The following HUWE1 variants were observed in gnomAD, a reference collection of about 807,000 sequenced individuals.
HUWE1 encodes the protein HECT, UBA and WWE domain containing E3 ubiquitin protein ligase 1, also known as E3 ubiquitin-protein ligase HUWE1.
HUWE1 carries 18 observed loss-of-function variants against 299.4 expected under a neutral mutation model. That is an observed-to-expected ratio of 0.06 (90% CI 0.04 to 0.09). The LOEUF is 0.09. HUWE1 is among the 10% of genes least tolerant of loss of function. The pLI is 1.00. For missense variants in HUWE1, 1,832 were observed against 3,462.3 expected (o/e 0.53, Z 11.82); for synonymous variants, 1,317 against 1,286.1 (o/e 1.02, Z -0.51).
chrX:53,604,410 A>C (rs185942317), intron 26 of HUWE1, among the ~76,000 whole-genome samples, 179 bp downstream of exon 26: 10 of 111,778 alleles, frequency 8.9e-5, no homozygotes, highest in Non-Finnish European at 1.7e-4. Flanking sequence ...TCATCACATA[A>C]TAAGTTATAT....
At chrX:53,682,621 CTTCT>C (rs2070226563) in intron 2 of HUWE1, among the ~76,000 whole-genome samples, 1 of 110,863 alleles carries the variant, frequency 9.0e-6, no homozygotes. Flanking sequence ...GGTTATCTTC[CTTCT>C]AAGGGATTCA....
chrX:53,562,231 G>C lies in HUWE1; in HGVS notation c.7218C>G (p.Ile2406Met). 8.3e-7 allele frequency: 1 copy of C among 1,208,736 alleles called. No homozygotes were observed. The highest frequency in any genetic ancestry group is 1.1e-6 in the Non-Finnish European group (1 of 893,336). Residue 2406 changes from isoleucine (I) to methionine (M), a missense_variant, in exon 54 of 84, where the codon ATC becomes ATG. This residue lies in a region of HUWE1 where 170 missense variants were observed against 335.8 expected (regional missense o/e 0.51). Transcript: ENST00000262854. Reference protein sequence around the residue: ...LQANREDSMNILDPEDEEEHT... With the variant: ...LQANREDSMNMLDPEDEEEHT... ...GCTCCTCCTCATCCTCAGGGTCCAG[G>C]ATATTCATGGAATCTAAAACAAAGG...
intron 43 of HUWE1, among the ~76,000 whole-genome samples, chrX:53,578,059 T>C (rs1174111161): frequency 1.0e-5 from 1 of 97,630 alleles, no homozygotes; most frequent in African/African-American, 4.0e-5. Flanking sequence ...CCGGCCGCCA[T>C]CCCATCTAGG....
intron 19 of HUWE1, among the ~76,000 whole-genome samples, chrX:53,617,681 C>T (rs113779396): frequency 3.6e-5 from 4 of 111,484 alleles, no homozygotes; most frequent in African/African-American, 1.3e-4. Flanking sequence ...TGAGGTTACA[C>T]TGTTTTATAT....
chrX:53,573,801 G>C lies in HUWE1; in HGVS notation c.6261C>G (p.Thr2087=). 8.3e-7 allele frequency: 1 copy of C among 1,210,986 alleles called. No homozygotes were observed. Among genetic ancestry groups the C allele is most frequent in the Non-Finnish European group, 1.1e-6 (1 of 894,664 alleles). ...ELVRSYVGIA[T]LIANYSYTVG... is the part of the protein sequence containing the mutation. ...CAGTGTAGCTGTAGTTGGCAATCAG[G>C]GTAGCAATACCAACATAGGACCTCA... Residue 2087 remains threonine (T), a synonymous_variant, in exon 47 of 84, where the codon ACC becomes ACG. Coordinates refer to ENST00000262854, the MANE Select transcript of HUWE1 (RefSeq NM_031407.7).
Position 53,592,598 on chromosome X carries a change from T to C in HUWE1, c.3772A>G (p.Asn1258Asp), listed in dbSNP as rs782197367. ...CCATATACCTTCAGGGGTTTCCGGT[T>C]CCATAAGTTTTTGATGCAAGTAAAG... ...AAFTCIKNLWNRKPLKVYGGR... is the reference protein window; with the variant it reads ...AAFTCIKNLWDRKPLKVYGGR... The change falls in exon 33 of 84, where the codon AAC becomes GAC. Residue 1258 changes from asparagine (N) to aspartate (D), a missense_variant. By Grantham distance (23) the Asn-to-Asp change is conservative (BLOSUM62 1). Around this residue, in one of 15 missense-constraint regions of HUWE1, gnomAD observed 658 missense variants for 1,282.6 expected, o/e 0.51. Transcript: ENST00000262854. The C allele has an allele frequency of 8.3e-7, 1 of 1,208,812 alleles. No homozygotes were observed. The highest frequency in any genetic ancestry group is 2.2e-5 in the Admixed American group (1 of 45,979).
At position 53,680,202 on chromosome X, in the gene HUWE1, T is replaced by TG. The variant is rs2070056304; in HGVS notation, c.-162-17dup. The stretch of plus-strand genomic sequence containing the variant: ...GCTGGAGGACCTACAAAAAAAAAGT[T>TG]GGGGGAGAGGAGTGAGATACACAAC... On this transcript the variant is annotated splice_polypyrimidine_tract_variant and intron_variant, in intron 2 of 83. Transcript: ENST00000262854. 1.0e-5 allele frequency: 3 copies of TG among 295,683 alleles called. No individual in the cohort carries two copies. The East Asian group carries it at 1.4e-4, about 14-fold the overall frequency. The allele number at this position is 295,683 out of a possible 1,213,427, so 24.4% of individuals were successfully genotyped here.
At chrX:53,602,312 G>C (rs782102369) in intron 28 of HUWE1, among the ~76,000 whole-genome samples, 1 of 95,748 alleles carries the variant, frequency 1.0e-5, no homozygotes, top group Non-Finnish European at 2.1e-5. Flanking sequence ...AGAGAAAAAA[G>C]ACGGGCAGAC....
chrX:53,537,802 C>T, intron 77 of HUWE1, 106 bp from the exon 78 acceptor site: 3 of 822,170 alleles, frequency 3.6e-6, no homozygotes, highest in Non-Finnish European at 5.2e-6. Flanking sequence ...ATCCTCCAAA[C>T]ACTTTGATCT....
At chrX:53,577,691 G>GT (rs782154597) in intron 43 of HUWE1, among the ~76,000 whole-genome samples, 19,117 of 85,969 alleles carry the variant, frequency 0.22, 197 homozygotes, top group Non-Finnish European at 0.28. Flanking sequence ...ACTGGTTTTC[G>GT]TTTTTTTTTT....
Position 53,593,656 on chromosome X carries a change from G to A in HUWE1, c.3504-55C>T, listed in dbSNP as rs2064281578. ...ATATTAGTATTTTACCCTGGCAAGG[G>A]GGGTTTACATCTAAAAGGTCCCCAA... On this transcript the variant is annotated intron_variant, in intron 31 of 83. Transcript: ENST00000262854. The A allele has an allele frequency of 9.4e-6, 9 of 954,604 alleles. No individual in the cohort carries two copies. The South Asian group carries it at 1.6e-4, about 17-fold the overall frequency. 78.7% of individuals were successfully genotyped at this position (954,604 alleles called of 1,213,427 possible).
Position 53,538,919 on chromosome X carries a change from C to A in HUWE1, c.11794G>T (p.Asp3932Tyr). The A allele has an allele frequency of 8.3e-7, 1 of 1,207,745 alleles. No homozygotes were observed. The highest frequency in any genetic ancestry group is 1.8e-5 in the South Asian group (1 of 56,401). The change falls in exon 76 of 84, where the codon GAC becomes TAC. Residue 3932 changes from aspartate (D) to tyrosine (Y), a missense_variant. Physicochemically the swap from Asp to Tyr is radical, Grantham distance 160 (BLOSUM62 -3). Transcript: ENST00000262854. ...PLTPATPSSL[D>Y]PFFSREPSSM... The stretch of plus-strand genomic sequence containing the variant: ...GAGGGCTCCCGGGAGAAGAATGGGT[C>A]AAGGGAGGAAGGCGTGGCTGGGGTT...
chrX:53,581,664 A>C (rs1434680670), intron 42 of HUWE1, among the ~76,000 whole-genome samples: 2 of 110,850 alleles, frequency 1.8e-5, no homozygotes, highest in East Asian at 2.8e-4. Flanking sequence ...TTGGTATCTT[A>C]ATTTTTTTTT....
chrX:53,656,150 C>T (rs1228001968), intron 3 of HUWE1, among the ~76,000 whole-genome samples: 1 of 107,223 alleles, frequency 9.3e-6, no homozygotes, highest in Non-Finnish European at 1.9e-5. Context: ...CTGAGGCGGG[C>T]GGATCATGAG....
At chrX:53,575,911 G>A in intron 44 of HUWE1, 123 bp from the exon 45 acceptor site, 1 of 702,281 alleles carries the variant, frequency 1.4e-6, no homozygotes. Context: ...TTTACATGGT[G>A]CTATTACAGA....
At chrX:53,599,562 C>A (rs1556988234) in intron 29 of HUWE1, among the ~76,000 whole-genome samples, 1 of 112,251 alleles carries the variant, frequency 8.9e-6, no homozygotes, top group Non-Finnish European at 1.9e-5. Context: ...GCTGCCAATA[C>A]AGTCTCAATA....
intron 6 of HUWE1, among the ~76,000 whole-genome samples, chrX:53,646,440 G>A (rs1348280392): frequency 8.9e-6 from 1 of 111,755 alleles, no homozygotes; most frequent in African/African-American, 3.3e-5. Flanking sequence ...TTACAGACAT[G>A]AGCCACTGCA....
In HUWE1 at chrX:53,538,752, TC is replaced by T. The variant is rs372750589; in HGVS notation, c.11878+82del. ...CTCTCTCTCTCTCTCTCTCTCTCTCTCATCAACTAAGGATTAACTGTATGAA... is the reference window on the plus strand; with the variant it reads ...CTCTCTCTCTCTCTCTCTCTCTCTCTATCAACTAAGGATTAACTGTATGAA... On this transcript the variant is annotated intron_variant, in intron 76 of 83. Coordinates refer to ENST00000262854, the MANE Select transcript of HUWE1 (RefSeq NM_031407.7). 3,949 of 915,477 alleles carry T rather than the reference TC, an allele frequency of 4.3e-3. 14 individuals are homozygous for T. The highest frequency in any genetic ancestry group is 0.016 in the Middle Eastern group (41 of 2,589). The allele number at this position is 915,477 out of a possible 1,213,427, so 75.4% of individuals were successfully genotyped here. A position where few individuals can be genotyped will look rare whatever the true frequency, so the allele number is the denominator to read the frequency against.
At chrX:53,535,740 G>A (rs2061014386) in intron 80 of HUWE1, among the ~76,000 whole-genome samples, 1 of 111,515 alleles carries the variant, frequency 9.0e-6, no homozygotes. Flanking sequence ...GCAGAAGAGA[G>A]TAAGGCAACT....
Sources: allele counts gnomAD v4.1 joint callset (sites outside exome capture counted in the v4.1 genomes callset), GRCh38; gene constraint gnomAD v4.1.1; regional missense constraint gnomAD v4.1.1; transcripts MANE v1.5; gene names NCBI Gene and HGNC (gene_info 2026-07-23, HGNC 2026-07-21).